Variants in FAS observed in about 807,000 individuals in gnomAD.
FAS encodes Fas cell surface death receptor.
FAS carries 5 observed loss-of-function variants against 33.2 expected under a neutral mutation model. The observed-to-expected ratio is 0.15, with a 90% CI of 0.08 to 0.32. The LOEUF is 0.32. Among genes scored for constraint, FAS ranks in the 10% least tolerant of loss-of-function variants. The probability of loss-of-function intolerance (pLI) is 1.00; values close to 1 mark genes in which losing one functional copy is unlikely to be tolerated. For synonymous variants in FAS, 131 were observed against 130.7 expected, an observed-to-expected ratio of 1.00 and a Z score of -0.01; for missense variants, 339 against 386.0, an observed-to-expected ratio of 0.88 and a Z score of 1.02.
At chr10:88,987,453 T>C (rs1846936228), upstream of FAS, among the ~76,000 whole-genome samples, 1 of 152,226 alleles carries the variant, frequency 6.6e-6, no homozygotes, top group Admixed American at 6.5e-5. Flanking sequence ...TCTACCAACC[T>C]TGATCTTTCA....
intron 2 of FAS, among the ~76,000 whole-genome samples, chr10:88,977,531 T>A (rs1394671504): frequency 6.6e-6 from 1 of 152,002 alleles, no homozygotes; most frequent in Non-Finnish European, 1.5e-5. Flanking sequence ...GAATCTACAA[T>A]GAACTCAAAC....
upstream of FAS, among the ~76,000 whole-genome samples, chr10:88,989,847 G>A (rs564042826): frequency 6.6e-6 from 1 of 152,322 alleles, no homozygotes; most frequent in Non-Finnish European, 1.5e-5. Flanking sequence ...GTCCAGTCTG[G>A]AACTGCATCC....
At chr10:88,975,895 T>C (rs772326574) in intron 2 of FAS, among the ~76,000 whole-genome samples, 17 of 152,298 alleles carry the variant, frequency 1.1e-4, no homozygotes, top group Non-Finnish European at 2.4e-4. Context: ...TGTTATACCA[T>C]AATACTATGC....
At chr10:88,983,932 T>C (rs558086628), upstream of FAS, among the ~76,000 whole-genome samples, 27 of 152,304 alleles carry the variant, frequency 1.8e-4, no homozygotes, top group African/African-American at 6.5e-4. Flanking sequence ...CTCAGTTTAC[T>C]GTGATCAGAG....
chr10:89,014,560 T>G lies in FAS; in HGVS notation c.*110T>G. ...TTTTTTACTGGGTACATTTTATCAT[T>G]TATTAGCGCTGAAGAGCCAACATAT... On this transcript the variant is annotated 3_prime_UTR_variant, in exon 9 of 9. Coordinates refer to ENST00000652046, the MANE Select transcript of FAS (RefSeq NM_000043.6). 9.9e-7 allele frequency: 1 copy of G among 1,006,144 alleles called. No homozygotes were observed. Among genetic ancestry groups the G allele is most frequent in the Non-Finnish European group, 1.5e-6 (1 of 663,504 alleles). The allele number at this position is 1,006,144 out of a possible 1,614,324, so 62.3% of individuals were successfully genotyped here.
At chr10:88,980,643 T>C (rs1004380900) in intron 2 of FAS, among the ~76,000 whole-genome samples, 1 of 152,058 alleles carries the variant, frequency 6.6e-6, no homozygotes, top group African/African-American at 2.4e-5. Flanking sequence ...TTAAGGAAAA[T>C]TGTTGGGATC....
At chr10:88,986,417 C>T (rs906949061), upstream of FAS, among the ~76,000 whole-genome samples, 12 of 152,238 alleles carry the variant, frequency 7.9e-5, no homozygotes, top group Admixed American at 2.6e-4. Flanking sequence ...CAATTGCTGT[C>T]TGCTTTTTAG....
intron 3 of FAS, 112 bp from the exon 4 acceptor site, chr10:89,008,777 A>G (rs1264874651): frequency 2.1e-6 from 2 of 937,676 alleles, no homozygotes; most frequent in African/African-American, 1.6e-5. Flanking sequence ...TCATGCTGTG[A>G]CTGTTGATAT....
At chr10:88,975,031 G>A (rs370437388) in intron 2 of FAS, 4 of 152,130 alleles carry the variant, frequency 2.6e-5, no homozygotes, top group African/African-American at 9.6e-5. Context: ...GATGCAAATT[G>A]TTTACTGTAA....
chr10:88,965,114 A>G (rs1237926515), intron 1 of FAS, among the ~76,000 whole-genome samples: 1 of 152,114 alleles, frequency 6.6e-6, no homozygotes, highest in African/African-American at 2.4e-5. Flanking sequence ...ACCTTCTTAG[A>G]TGCATTTTTT....
chr10:89,007,623 T>G, intron 2 of FAS, 77 bp from the exon 3 acceptor site: 1 of 1,568,602 alleles, frequency 6.4e-7, no homozygotes, highest in Non-Finnish European at 8.7e-7. Flanking sequence ...TTTTATTGTC[T>G]GTCATCCCTC....
chr10:89,013,275 T>G, intron 7 of FAS, 68 bp from the exon 8 acceptor site: 1 of 1,477,550 alleles, frequency 6.8e-7, no homozygotes, highest in African/African-American at 1.4e-5. Flanking sequence ...AATTAGAAGT[T>G]CACATTTAGA....
intron 2 of FAS, among the ~76,000 whole-genome samples, chr10:88,979,306 G>A (rs755580817): frequency 6.6e-6 from 1 of 152,186 alleles, no homozygotes; most frequent in Non-Finnish European, 1.5e-5. Context: ...CGGCTCTGCC[G>A]CAGGGTGCCT....
At chr10:88,966,477 C>T (rs1318163225) in intron 1 of FAS, among the ~76,000 whole-genome samples, 1 of 152,128 alleles carries the variant, frequency 6.6e-6, no homozygotes, top group Non-Finnish European at 1.5e-5. Context: ...TCCTGTCTAC[C>T]TCTAACAATT....
intron 1 of FAS, among the ~76,000 whole-genome samples, chr10:89,000,201 A>G (rs567879661): frequency 1.3e-5 from 2 of 152,364 alleles, no homozygotes; most frequent in African/African-American, 2.4e-5. Flanking sequence ...TAGTAAAATT[A>G]TAAGACTACC....
At chr10:89,004,977 C>T (rs926000789) in intron 2 of FAS, among the ~76,000 whole-genome samples, 1 of 152,100 alleles carries the variant, frequency 6.6e-6, no homozygotes, top group East Asian at 1.9e-4. Context: ...AATACAAATA[C>T]AGAGAAAAGA....
Position 89,014,709 on chromosome 10 carries a change from G to A in FAS, c.*259G>A. On this transcript the variant is annotated 3_prime_UTR_variant, in exon 9 of 9. Transcript: ENST00000652046. ...GTACCCAAATAGGAGTGTATGCAGA[G>A]GATGAAAGATTAAGATTATGCTCTG... 1.6e-6 allele frequency: 1 copy of A among 634,182 alleles called. No homozygotes were observed. Among genetic ancestry groups the A allele is most frequent in the Non-Finnish European group, 2.9e-6 (1 of 342,616 alleles). 39.3% of individuals were successfully genotyped at this position (634,182 alleles called of 1,614,324 possible).
intron 1 of FAS, among the ~76,000 whole-genome samples, chr10:88,998,861 C>CA (rs949909013): frequency 6.6e-6 from 1 of 151,392 alleles, no homozygotes. Flanking sequence ...CTCCCCTTTA[C>CA]AAAAAAAAAT....
intron 1 of FAS, among the ~76,000 whole-genome samples, chr10:88,972,995 G>A (rs1030056306): frequency 1.3e-5 from 2 of 152,196 alleles, no homozygotes; most frequent in Non-Finnish European, 2.9e-5. Context: ...AAGAAACACT[G>A]CAGAATACTA....
Sources: allele counts gnomAD v4.1 joint callset (sites outside exome capture counted in the v4.1 genomes callset), GRCh38; gene constraint gnomAD v4.1.1; transcripts MANE v1.5; gene names NCBI Gene and HGNC (gene_info 2026-07-23, HGNC 2026-07-21).